The following XPO6 variants were observed in gnomAD, a reference collection of about 807,000 sequenced individuals.
XPO6 encodes exportin 6, also known as exportin-6.
XPO6 carries 3 observed loss-of-function variants against 130.0 expected under a neutral mutation model. The observed-to-expected ratio is 0.02, with a 90% CI of 0.01 to 0.06. The LOEUF (loss-of-function observed/expected upper bound fraction) is 0.06. Among genes scored for constraint, XPO6 ranks in the 10% least tolerant of loss-of-function variants. The pLI, the probability that XPO6 is intolerant of heterozygous loss-of-function variation, is 1.00. For missense variants in XPO6, 970 were observed against 1,393.0 expected (o/e 0.70, Z 4.83); for synonymous variants, 524 against 548.9 (o/e 0.95, Z 0.63).
At chr16:28,180,075 G>A (rs1178338646) in intron 2 of XPO6, among the ~76,000 whole-genome samples, 3 of 152,076 alleles carry the variant, frequency 2.0e-5, no homozygotes, top group East Asian at 3.9e-4. Flanking sequence ...TCAGAATATC[G>A]AAGACTAATG....
chr16:28,188,006 C>T (rs957999464), intron 1 of XPO6, among the ~76,000 whole-genome samples: 4 of 152,148 alleles, frequency 2.6e-5, no homozygotes, highest in African/African-American at 4.8e-5. Flanking sequence ...TTTCCTCAAA[C>T]CCTGATTAAA....
chr16:28,192,111 T>C (rs560295540), intron 1 of XPO6, among the ~76,000 whole-genome samples: 2 of 151,660 alleles, frequency 1.3e-5, no homozygotes, highest in East Asian at 3.9e-4. Flanking sequence ...AATACAAAAA[T>C]TAGCCAGGAG....
chr16:28,123,477 C>T (rs568412214), intron 13 of XPO6, among the ~76,000 whole-genome samples: 17 of 152,264 alleles, frequency 1.1e-4, no homozygotes, highest in South Asian at 6.2e-4. Flanking sequence ...GCCTACTCTG[C>T]GTGGAAACCT....
chr16:28,130,354 G>A (rs1200612753), intron 12 of XPO6, among the ~76,000 whole-genome samples: 1 of 152,248 alleles, frequency 6.6e-6, no homozygotes, highest in East Asian at 1.9e-4. Context: ...GCAAATGAAG[G>A]AAGGCCCAGA....
At chr16:28,181,762 T>TA (rs765034619) in intron 1 of XPO6, among the ~76,000 whole-genome samples, 150 of 152,220 alleles carry the variant, frequency 9.9e-4, no homozygotes, top group Middle Eastern at 6.8e-3. Context: ...CAACAGAGAT[T>TA]AAAGTGCAGC....
At chr16:28,186,190 C>T (rs2043688517) in intron 1 of XPO6, among the ~76,000 whole-genome samples, 1 of 152,020 alleles carries the variant, frequency 6.6e-6, no homozygotes, top group African/African-American at 2.4e-5. Flanking sequence ...CGGACTGTTG[C>T]TTCTCACTCT....
At chr16:28,161,960 A>G (rs1402879075) in intron 6 of XPO6, among the ~76,000 whole-genome samples, 3 of 152,254 alleles carry the variant, frequency 2.0e-5, no homozygotes, top group African/African-American at 7.2e-5. Flanking sequence ...ATTAAAGTGA[A>G]AAAATAAATA....
At position 28,197,777 on chromosome 16, in the gene XPO6, G is replaced by T. The variant is rs537771442; in HGVS notation, c.3+13589C>A. ...TAAAAATACAAAAAAAAATTAGCCA[G>T]GCGTGGTGGCGGGCGCCTGCAGTAC... On this transcript the variant is annotated intron_variant, in intron 1 of 23. Coordinates refer to ENST00000304658, the MANE Select transcript of XPO6 (RefSeq NM_015171.4). Among the ~76,000 whole-genome samples, 9 of 151,744 alleles carry T rather than the reference G, an allele frequency of 5.9e-5. No individual in the cohort carries two copies. The South Asian group carries it at 1.9e-3, about 32-fold the overall frequency.
At position 28,101,481 on chromosome 16, in the gene XPO6, C is replaced by A. The variant is rs763062981; in HGVS notation, c.3253G>T (p.Gly1085Trp). The stretch of plus-strand genomic sequence containing the variant: ...ACCCGATCCATCTTGAAATTCCGCC[C>A]CAGCACACTTTTCTGGTTGGCATCC... ...GVDANQKSVL[G>W]RNFKMDRDLP... is the part of the protein sequence containing the mutation. The change falls in exon 23 of 24, where the codon GGG (glycine) becomes TGG (tryptophan). Residue 1085 changes from glycine to tryptophan, a missense_variant. Physicochemically the swap from Gly to Trp is radical, Grantham distance 184 (BLOSUM62 -2). Coordinates refer to ENST00000304658, the MANE Select transcript of XPO6 (RefSeq NM_015171.4). This position sits in a 1 kb window ranked among gnomAD's most constrained non-coding sequence, Gnocchi z 5.4. 6.2e-7 allele frequency: 1 copy of A among 1,614,188 alleles called. No homozygotes were observed. Among genetic ancestry groups the A allele is most frequent in the Non-Finnish European group, 8.5e-7 (1 of 1,180,014 alleles).
chr16:28,201,574 T>C (rs781677682), intron 1 of XPO6, among the ~76,000 whole-genome samples: 2 of 152,170 alleles, frequency 1.3e-5, no homozygotes, highest in Non-Finnish European at 1.5e-5. Context: ...AATGTAGTCT[T>C]GGCCGGGCGT....
At chr16:28,109,551 G>A (rs750925981) in intron 17 of XPO6, among the ~76,000 whole-genome samples, 18 of 152,082 alleles carry the variant, frequency 1.2e-4, no homozygotes, top group Admixed American at 1.3e-4. Flanking sequence ...ATGCGAACAC[G>A]AACATGCACC....
At chr16:28,153,912 C>G in intron 7 of XPO6, 1 of 985,402 alleles carries the variant, frequency 1.0e-6, no homozygotes. Context: ...TGGGACCTAT[C>G]TCCCTGAGGG....
At chr16:28,196,022 C>T (rs1376178469) in intron 1 of XPO6, among the ~76,000 whole-genome samples, 1 of 152,188 alleles carries the variant, frequency 6.6e-6, no homozygotes, top group African/African-American at 2.4e-5. Context: ...GTTTATTCCA[C>T]CATGGAATGT....
chr16:28,098,606 G>C lies in XPO6; in HGVS notation c.3310C>G (p.Leu1104Val), dbSNP rs1434769999. ...LPSFTQNVHR[L>V]VNDLRYYRLC... ...CTGTAGTAGCGCAGGTCGTTGACCA[G>C]CCTGTGCACATTCTGGGTGAATGAG... Residue 1104 changes from leucine to valine, a missense_variant, in exon 24 of 24, where the codon CTG becomes GTG. Physicochemically the swap from Leu to Val is conservative, Grantham distance 32. Coordinates refer to ENST00000304658, the MANE Select transcript of XPO6 (RefSeq NM_015171.4). The C allele has an allele frequency of 1.2e-6, 2 of 1,612,494 alleles. No individual in the cohort carries two copies. The highest frequency in any genetic ancestry group is 2.7e-5 in the African/African-American group (2 of 74,896).
chr16:28,162,970 G>GGCTA (rs1336743900), intron 6 of XPO6, among the ~76,000 whole-genome samples: 2 of 152,052 alleles, frequency 1.3e-5, no homozygotes, highest in African/African-American at 2.4e-5. Context: ...TGGCATCTGG[G>GGCTA]GCTAGATCAT....
At chr16:28,205,680 T>C (rs2044017940) in intron 1 of XPO6, among the ~76,000 whole-genome samples, 2 of 152,156 alleles carry the variant, frequency 1.3e-5, no homozygotes, top group South Asian at 4.1e-4. Flanking sequence ...TGACTCGCTG[T>C]GTGACCTTGG....
At chr16:28,175,628 T>C (rs2043522148) in intron 4 of XPO6, among the ~76,000 whole-genome samples, 1 of 152,164 alleles carries the variant, frequency 6.6e-6, no homozygotes, top group Non-Finnish European at 1.5e-5. Context: ...CCCCAACACC[T>C]AGTACAGCAC....
chr16:28,155,811 G>A, intron 7 of XPO6: 1 of 776,176 alleles, frequency 1.3e-6, no homozygotes, highest in Non-Finnish European at 1.8e-6. Context: ...AAGAGGAGTA[G>A]AAGGGAGGAC....
chr16:28,162,898 T>G (rs1216579283), intron 6 of XPO6, among the ~76,000 whole-genome samples: 1 of 152,156 alleles, frequency 6.6e-6, no homozygotes, highest in Non-Finnish European at 1.5e-5. Flanking sequence ...TTATTGAAAC[T>G]TCATGTTTTT....
Sources: allele counts gnomAD v4.1 joint callset (sites outside exome capture counted in the v4.1 genomes callset), GRCh38; gene constraint gnomAD v4.1.1; non-coding constraint Gnocchi (gnomAD v3.1); transcripts MANE v1.5; gene names NCBI Gene and HGNC (gene_info 2026-07-23, HGNC 2026-07-21).